Variants in PCDHGA1 observed in about 807,000 individuals in gnomAD.
PCDHGA1 encodes protocadherin gamma-A1.
Under a neutral mutation model 58.0 loss-of-function variants are expected in PCDHGA1, and 32 were observed. The ratio of observed to expected loss-of-function variants is 0.55; its 90% CI spans 0.42 to 0.74. The LOEUF (loss-of-function observed/expected upper bound fraction) is 0.74, where lower values mean the gene tolerates loss of function less well. Among genes scored for constraint, PCDHGA1 ranks in the 30% least tolerant of loss-of-function variants. The pLI is 0.00. For synonymous variants in PCDHGA1, 498 were observed against 501.1 expected (o/e 0.99, Z 0.08); for missense variants, 1,205 against 1,182.3 (o/e 1.02, Z -0.28).
intron 1 of PCDHGA1, among the ~76,000 whole-genome samples, chr5:141,386,366 C>A (rs2090545743): frequency 6.6e-6 from 1 of 151,962 alleles, no homozygotes; most frequent in Non-Finnish European, 1.5e-5. Context: ...ATTCCAGAGA[C>A]CTTTGAGTAT....
chr5:141,481,352 C>T (rs1007066307), intron 1 of PCDHGA1, among the ~76,000 whole-genome samples: 3 of 152,222 alleles, frequency 2.0e-5, no homozygotes, highest in East Asian at 1.9e-4. Flanking sequence ...TAAACATCTA[C>T]AGCTGTTCAA....
At chr5:141,408,894 C>A (rs778126197) in intron 1 of PCDHGA1, 1 of 1,613,304 alleles carries the variant, frequency 6.2e-7, no homozygotes, top group East Asian at 2.2e-5. Flanking sequence ...ATAGAAATTT[C>A]TGTCAAGGAT....
chr5:141,335,738 C>T lies in PCDHGA1; in HGVS notation c.2421+2633C>T, dbSNP rs564450552. Among the ~76,000 whole-genome samples the T allele has an allele frequency of 3.9e-5, 6 of 152,094 alleles. No individual in the cohort carries two copies. The South Asian group carries it at 1.2e-3, about 31-fold the overall frequency. On this transcript the variant is annotated intron_variant, in intron 1 of 3. Coordinates refer to ENST00000517417, the MANE Select transcript of PCDHGA1 (RefSeq NM_018912.3). ...CTAGTCATTACAAAAAAGGGTTCAGCAAATTGCAAAGTACCAATAATATAC... is the reference window on the plus strand; with the variant it reads ...CTAGTCATTACAAAAAAGGGTTCAGTAAATTGCAAAGTACCAATAATATAC...
Position 141,389,842 on chromosome 5 carries a change from C to G in PCDHGA1, c.2421+56737C>G, listed in dbSNP as rs779733638. The G allele has an allele frequency of 3.7e-6, 6 of 1,613,900 alleles. No individual in the cohort carries two copies. In the Admixed American group the frequency reaches 8.3e-5, roughly 22 times the overall value. ...CGTGACGGTGGACAGCCACCACTCT[C>G]GGCCACTGCCACGTTGCACCTGGTC... On this transcript the variant is annotated intron_variant, in intron 1 of 3. Coordinates refer to ENST00000517417, the MANE Select transcript of PCDHGA1 (RefSeq NM_018912.3).
intron 1 of PCDHGA1, chr5:141,375,303 A>T: frequency 3.1e-6 from 5 of 1,613,850 alleles, no homozygotes; most frequent in Non-Finnish European, 4.2e-6. Context: ...TTAGTGACAA[A>T]TGCAGCTCTA....
chr5:141,386,433 T>C (rs1214742071), intron 1 of PCDHGA1, among the ~76,000 whole-genome samples: 1 of 152,144 alleles, frequency 6.6e-6, no homozygotes, highest in African/African-American at 2.4e-5. Context: ...CCCACCTGCA[T>C]GGGAGGCTGA....
intron 1 of PCDHGA1, chr5:141,371,744 C>G (rs759273098): frequency 1.4e-5 from 23 of 1,613,922 alleles, no homozygotes; most frequent in East Asian, 8.9e-5. Flanking sequence ...ACAACGTTCC[C>G]GTTTTCCACC....
chr5:141,418,013 A>C (rs769578436), intron 1 of PCDHGA1: 2 of 1,613,906 alleles, frequency 1.2e-6, no homozygotes, highest in African/African-American at 2.7e-5. Flanking sequence ...GAACCTCGCT[A>C]AGGATCTAGG....
chr5:141,384,247 C>T (rs1779885951), intron 1 of PCDHGA1: 1 of 1,613,912 alleles, frequency 6.2e-7, no homozygotes, highest in Non-Finnish European at 8.5e-7. Flanking sequence ...CGATAACCCA[C>T]CCACCTTCCC....
chr5:141,483,444 T>C (rs956913442), intron 1 of PCDHGA1, among the ~76,000 whole-genome samples: 1 of 152,108 alleles, frequency 6.6e-6, no homozygotes, highest in African/African-American at 2.4e-5. Context: ...TACAATAAAA[T>C]CATCAGGACT....
At chr5:141,343,811 C>A (rs1372805617) in intron 1 of PCDHGA1, 16 of 467,936 alleles carry the variant, frequency 3.4e-5, no homozygotes, top group Non-Finnish European at 3.7e-6. Flanking sequence ...AAGGAGAACG[C>A]AGCTGGAGAA....
intron 1 of PCDHGA1, chr5:141,344,028 A>G (rs748991273): frequency 3.5e-5 from 53 of 1,530,648 alleles, no homozygotes; most frequent in Non-Finnish European, 4.3e-5. Flanking sequence ...ATTCACCGAA[A>G]AGGAAATGAC....
In PCDHGA1 at chr5:141,409,805, C is replaced by G. The variant is rs751397816; in HGVS notation, c.2421+76700C>G. ...CGCCTTCGCGCTCACGCTGCAGGCC[C>G]GCGACCACGGCTCGCCCACGCTCAG... On this transcript the variant is annotated intron_variant, in intron 1 of 3. Coordinates refer to ENST00000517417, the MANE Select transcript of PCDHGA1 (RefSeq NM_018912.3). 8 of 1,611,512 alleles carry G rather than the reference C, an allele frequency of 5.0e-6. No individual in the cohort carries two copies. In the African/African-American group the frequency reaches 5.3e-5, roughly 11 times the overall value.
In PCDHGA1 at chr5:141,331,553, A is replaced by G. The variant is rs531329555; in HGVS notation, c.869A>G (p.Gln290Arg). 1.2e-5 allele frequency: 19 copies of G among 1,614,080 alleles called. No homozygotes were observed. In the Admixed American group the frequency reaches 3.2e-4, roughly 27 times the overall value. The part of the protein sequence containing the change: ...SFHNVDHRVA[Q>R]IFRLDSYTGE... ...CACAATGTAGACCACAGAGTGGCCC[A>G]AATATTTCGTTTAGATTCTTACACA... is the stretch of plus-strand genomic sequence containing the variant. Residue 290 changes from glutamine (Q) to arginine (R), a missense_variant, in exon 1 of 4, where the codon CAA becomes CGA. Physicochemically the swap from Gln to Arg is conservative, Grantham distance 43. Transcript: ENST00000517417.
chr5:141,432,079 G>A lies in PCDHGA1; in HGVS notation c.2422-62728G>A, dbSNP rs138510025. On this transcript the variant is annotated intron_variant, in intron 1 of 3. Transcript: ENST00000517417. The surrounding 1 kb of genome is among the most constrained non-coding windows in gnomAD (Gnocchi z 6.0). ...TATCCACGGAAACTCATATCTCGCT[G>A]AACGTGGCAGACACCAACGACAACC... 1.6e-4 allele frequency: 252 copies of A among 1,614,054 alleles called. No homozygotes were observed. The highest frequency in any genetic ancestry group is 8.1e-5 in the Non-Finnish European group (96 of 1,180,048).
chr5:141,420,225 C>G, intron 1 of PCDHGA1: 1 of 1,603,470 alleles, frequency 6.2e-7, no homozygotes. Flanking sequence ...ATGCTACTGG[C>G]TAGCATTTTA....
rs767497197 is a variant in PCDHGA1, at chr5:141,486,350, T to C, written c.2422-8457T>C. The C allele has an allele frequency of 6.2e-7, 1 of 1,614,128 alleles. No homozygotes were observed. Among genetic ancestry groups the C allele is most frequent in the South Asian group, 1.1e-5 (1 of 91,074 alleles). On this transcript the variant is annotated intron_variant, in intron 1 of 3. Transcript: ENST00000517417. The surrounding 1 kb of genome is among the most constrained non-coding windows in gnomAD (Gnocchi z 5.0). ...TGTGAGCCTCCGCATTCCTGACCAC[T>C]TGCCATTTGCCCTCAAGTCTGCCTT...
At chr5:141,405,301 G>C (rs369812265) in intron 1 of PCDHGA1, 2 of 1,614,082 alleles carry the variant, frequency 1.2e-6, no homozygotes, top group African/African-American at 2.7e-5. Context: ...TCAGCCAGCA[G>C]AGCTGTGAGA....
At chr5:141,383,544 T>A (rs1273578608) in intron 1 of PCDHGA1, 21 of 1,612,498 alleles carry the variant, frequency 1.3e-5, no homozygotes, top group Non-Finnish European at 1.8e-5. Context: ...TCACAGCCTC[T>A]GATGGCGGCG....
Sources: gnomAD v4.1 joint callset for allele counts (sites outside exome capture counted in the v4.1 genomes callset) on GRCh38, gnomAD v4.1.1 for gene constraint, Gnocchi (gnomAD v3.1) non-coding constraint, MANE v1.5 for transcripts, NCBI Gene and HGNC (gene_info 2026-07-23, HGNC 2026-07-21) for gene names.